TEX101: variants seen among roughly 807,000 people sequenced by gnomAD.
TEX101 encodes testis expressed 101.
Under a neutral mutation model 18.1 loss-of-function variants are expected in TEX101, and 10 were observed. The ratio of observed to expected loss-of-function variants is 0.55; its 90% confidence interval spans 0.34 to 0.94. The LOEUF is 0.94. Ranked by LOEUF, TEX101 falls within the 40% of genes least tolerant of loss-of-function variation. TEX101 has a pLI of 0.02. For synonymous variants in TEX101, 94 were observed against 114.8 expected, an observed-to-expected ratio of 0.82 and a Z score of 1.16; for missense variants, 259 against 298.9, an observed-to-expected ratio of 0.87 and a Z score of 0.98.
intron 3 of TEX101, among the ~76,000 whole-genome samples, chr19:43,407,974 A>T (rs1332101994): frequency 5.3e-5 from 8 of 150,672 alleles, no homozygotes; most frequent in Non-Finnish European, 1.0e-4. Context: ...GGCTCCCTGG[A>T]TGGGATCTGT....
chr19:43,408,242 G>GC (rs911463903), intron 3 of TEX101, among the ~76,000 whole-genome samples: 7 of 152,162 alleles, frequency 4.6e-5, no homozygotes, highest in Non-Finnish European at 8.8e-5. Flanking sequence ...GGTGAGGGCC[G>GC]CCCCCGCAGC....
intron 1 of TEX101, among the ~76,000 whole-genome samples, chr19:43,415,371 T>C (rs1970462541): frequency 1.3e-5 from 2 of 151,984 alleles, no homozygotes; most frequent in Admixed American, 1.3e-4. Flanking sequence ...ATTAAAACCA[T>C]GAAAAACTGG....
At chr19:43,397,947 T>C (rs1970285384), upstream of TEX101, among the ~76,000 whole-genome samples, 2 of 6,026 alleles carry the variant, frequency 3.3e-4, no homozygotes, top group African/African-American at 1.1e-3. Flanking sequence ...TATATAAAAA[T>C]ATATATTATA....
At chr19:43,391,155 C>T in the TEX101 span, among the ~76,000 whole-genome samples, 1 of 152,318 alleles carries the variant, frequency 6.6e-6, no homozygotes, top group African/African-American at 2.4e-5. Context: ...GATGGATGGA[C>T]ACTGGGCTTG....
intron 3 of TEX101, among the ~76,000 whole-genome samples, chr19:43,408,285 C>T (rs1373003606): frequency 6.6e-6 from 1 of 151,740 alleles, no homozygotes; most frequent in Non-Finnish European, 1.5e-5. Context: ...TCTCCTCGTT[C>T]TGCCCGGGCT....
intron 3 of TEX101, among the ~76,000 whole-genome samples, chr19:43,407,483 CA>C (rs35258259): frequency 0.38 from 49,406 of 130,644 alleles, 8,552 homozygotes; most frequent in East Asian, 0.72. Flanking sequence ...GAAACTTCGT[CA>C]AAAAAAAAAA....
chr19:43,405,630 T>C (rs936221483), intron 2 of TEX101, among the ~76,000 whole-genome samples: 4 of 144,536 alleles, frequency 2.8e-5, no homozygotes. Flanking sequence ...AAAACACATC[T>C]AAAATGGAAG....
upstream of TEX101, among the ~76,000 whole-genome samples, chr19:43,410,727 CACACACATCAG>C (rs1458077063): frequency 3.3e-5 from 5 of 151,754 alleles, no homozygotes; most frequent in East Asian, 7.7e-4. Context: ...TACACCGAGA[CACACACATCAG>C]ACACACATTC....
At chr19:43,392,843 A>C in the TEX101 span, among the ~76,000 whole-genome samples, 4 of 152,130 alleles carry the variant, frequency 2.6e-5, no homozygotes, top group Admixed American at 2.0e-4. Flanking sequence ...GGATCATTTG[A>C]GATTAGGAGT....
chr19:43,389,827 C>T, the TEX101 span, among the ~76,000 whole-genome samples: 4 of 152,172 alleles, frequency 2.6e-5, no homozygotes, highest in Non-Finnish European at 2.9e-5. Flanking sequence ...TCTCTCTCTG[C>T]TGTGTCCTGT....
At chr19:43,414,314 G>A (rs896525065), upstream of TEX101, among the ~76,000 whole-genome samples, 2 of 152,144 alleles carry the variant, frequency 1.3e-5, no homozygotes, top group African/African-American at 2.4e-5. Context: ...GCATGCATTC[G>A]GGGTGCCCAA....
chr19:43,391,149 G>C, the TEX101 span, among the ~76,000 whole-genome samples: 1 of 152,182 alleles, frequency 6.6e-6, no homozygotes, highest in Non-Finnish European at 1.5e-5. Context: ...TTCACGGATG[G>C]ATGGACACTG....
the TEX101 span, among the ~76,000 whole-genome samples, chr19:43,391,151 T>C: frequency 6.6e-6 from 1 of 152,246 alleles, no homozygotes; most frequent in Non-Finnish European, 1.5e-5. Flanking sequence ...CACGGATGGA[T>C]GGACACTGGG....
chr19:43,395,014 A>G, the TEX101 span, among the ~76,000 whole-genome samples: 1 of 152,228 alleles, frequency 6.6e-6, no homozygotes, highest in African/African-American at 2.4e-5. Context: ...GGGAGTTCAC[A>G]GAAAAGAAGT....
In TEX101 at chr19:43,417,904, T is replaced by A. The variant is rs531917855; in HGVS notation, c.418T>A (p.Cys140Ser). 7 of 1,614,180 alleles carry A rather than the reference T, an allele frequency of 4.3e-6. No individual in the cohort carries two copies. The East Asian group carries it at 1.6e-4, about 36-fold the overall frequency. Residue 140 changes from cysteine to serine, a missense_variant, in exon 5 of 6, where the codon TGT (cysteine) becomes AGT (serine). Physicochemically the swap from Cys to Ser is moderately radical, Grantham distance 112. Coordinates refer to ENST00000598265, the MANE Select transcript of TEX101 (RefSeq NM_001130011.3). ...TTCCACTGTGTCAACAACCCTCCAT[T>A]GTCCAACCTGTGTGGCTTTGGGGAC... The part of the protein sequence containing the change: ...TASTVSTTLH[C>S]PTCVALGTCF...
upstream of TEX101, among the ~76,000 whole-genome samples, chr19:43,411,406 G>A (rs180701262): frequency 1.3e-5 from 2 of 152,200 alleles, no homozygotes; most frequent in Admixed American, 1.3e-4. Flanking sequence ...GAGTAATGTG[G>A]TGTGGCTTGC....
chr19:43,410,568 C>T (rs891649395), upstream of TEX101, among the ~76,000 whole-genome samples: 1 of 152,064 alleles, frequency 6.6e-6, no homozygotes, highest in Non-Finnish European at 1.5e-5. Context: ...TTGTGTGTTT[C>T]TCATTTCTGG....
chr19:43,403,995 C>T (rs1209354167), intron 2 of TEX101, among the ~76,000 whole-genome samples: 4 of 149,474 alleles, frequency 2.7e-5, no homozygotes, highest in African/African-American at 7.4e-5. Flanking sequence ...GCCAAGATCA[C>T]GCCACTGCAC....
At chr19:43,405,734 G>A (rs551397323) in intron 2 of TEX101, among the ~76,000 whole-genome samples, 57 of 152,038 alleles carry the variant, frequency 3.7e-4, no homozygotes, top group African/African-American at 1.4e-3. Context: ...AGACCAGCCT[G>A]ACCAACATGG....
Sources: gnomAD v4.1 joint callset for allele counts (sites outside exome capture counted in the v4.1 genomes callset) on GRCh38, gnomAD v4.1.1 for gene constraint, MANE v1.5 for transcripts, NCBI Gene and HGNC (gene_info 2026-07-23, HGNC 2026-07-21) for gene names.